Variants in DTNB observed in about 807,000 individuals in gnomAD.
The protein encoded by DTNB is DTN-B.
DTNB carries 63 observed loss-of-function variants against 90.7 expected under a neutral mutation model. The observed-to-expected ratio is 0.69, with a 90% CI of 0.57 to 0.86. The LOEUF (loss-of-function observed/expected upper bound fraction) is 0.86, where lower values mean the gene tolerates loss of function less well. DTNB is among the 40% of genes least tolerant of loss of function. DTNB has a pLI of 0.00. For missense variants in DTNB, 744 were observed against 807.1 expected, an observed-to-expected ratio of 0.92 and a Z score of 0.95; for synonymous variants, 277 against 286.7, an observed-to-expected ratio of 0.97 and a Z score of 0.34.
At chr2:25,662,669 CACACACACACAA>C (rs1168349999) in intron 1 of DTNB, among the ~76,000 whole-genome samples, 5 of 81,094 alleles carry the variant, frequency 6.2e-5, no homozygotes, top group Admixed American at 1.6e-4. Flanking sequence ...CACACACACA[CACACACACACAA>C]ACACACACAC....
chr2:25,410,719 G>A (rs891181893), intron 16 of DTNB, among the ~76,000 whole-genome samples: 2 of 152,096 alleles, frequency 1.3e-5, no homozygotes, highest in African/African-American at 4.8e-5. Flanking sequence ...TGGTTTAAAG[G>A]CATTTTGTTA....
chr2:25,378,623 T>A (rs533785087), intron 20 of DTNB, among the ~76,000 whole-genome samples: 8 of 151,974 alleles, frequency 5.3e-5, no homozygotes, highest in Non-Finnish European at 1.2e-4. Context: ...AATGGAGAAG[T>A]CTGATATCTT....
chr2:25,541,529 G>A (rs1184888530), intron 8 of DTNB, among the ~76,000 whole-genome samples: 1 of 151,986 alleles, frequency 6.6e-6, no homozygotes, highest in African/African-American at 2.4e-5. Flanking sequence ...AACAAGTACA[G>A]TTCAGTAGGG....
chr2:25,416,283 C>T (rs904585807), intron 16 of DTNB, among the ~76,000 whole-genome samples: 5 of 152,220 alleles, frequency 3.3e-5, no homozygotes, highest in Admixed American at 2.6e-4. Context: ...AAGGTGGACA[C>T]TATCAAAAGT....
chr2:25,526,395 A>ATTTTTTTTTTTTT (rs1245672956), intron 9 of DTNB, among the ~76,000 whole-genome samples: 4 of 49,858 alleles, frequency 8.0e-5, no homozygotes, highest in African/African-American at 3.9e-4. Context: ...ATATATATAT[A>ATTTTTTTTTTTTT]TTTTTTTTTT....
chr2:25,626,077 TAG>T (rs748095270), intron 4 of DTNB, among the ~76,000 whole-genome samples: 27 of 152,178 alleles, frequency 1.8e-4, no homozygotes, highest in Non-Finnish European at 2.6e-4. Context: ...GTGTTGTTTA[TAG>T]AGAGTCCAGT....
At chr2:25,553,643 G>A (rs1244636856) in intron 8 of DTNB, among the ~76,000 whole-genome samples, 3 of 151,492 alleles carry the variant, frequency 2.0e-5, no homozygotes, top group Non-Finnish European at 4.4e-5. Context: ...AGGAGGCTAA[G>A]GCAGGAGAAT....
chr2:25,634,113 G>A (rs903058574), intron 3 of DTNB, among the ~76,000 whole-genome samples: 1 of 150,542 alleles, frequency 6.6e-6, no homozygotes, highest in Non-Finnish European at 1.5e-5. Flanking sequence ...GGAGGTGGGC[G>A]AGTCAGCCCC....
rs914887997 is a variant in DTNB, at chr2:25,673,544, C to T, written c.-160G>A. ...GCGAACGTTCGCAGCGCCCGGCTCG[C>T]GCCGCTTCTCCGCCCGGCACGCGCA... On this transcript the variant is annotated 5_prime_UTR_variant, in exon 1 of 21. Transcript: ENST00000406818. 2.0e-5 allele frequency: 3 copies of T among 148,644 alleles called. No individual in the cohort carries two copies. The highest frequency in any genetic ancestry group is 7.3e-5 in the African/African-American group (3 of 41,188). 9.2% of individuals were successfully genotyped at this position (148,644 alleles called of 1,614,324 possible).
chr2:25,536,811 C>T (rs1241177333), intron 8 of DTNB, among the ~76,000 whole-genome samples: 2 of 152,086 alleles, frequency 1.3e-5, no homozygotes, highest in Non-Finnish European at 2.9e-5. Flanking sequence ...GGGGTGATCT[C>T]GGCTCACTGC....
chr2:25,385,250 G>A (rs1180490633), intron 18 of DTNB, among the ~76,000 whole-genome samples: 1 of 152,130 alleles, frequency 6.6e-6, no homozygotes, highest in African/African-American at 2.4e-5. Flanking sequence ...TACAAGCTAT[G>A]TATATACAGT....
intron 10 of DTNB, among the ~76,000 whole-genome samples, chr2:25,465,718 T>C (rs2061664051): frequency 1.3e-5 from 2 of 152,080 alleles, no homozygotes; most frequent in South Asian, 4.2e-4. Context: ...CCCTCTTTCC[T>C]CCTCACATCA....
At chr2:25,577,324 T>A (rs2060841721) in intron 7 of DTNB, among the ~76,000 whole-genome samples, 1 of 151,952 alleles carries the variant, frequency 6.6e-6, no homozygotes, top group Non-Finnish European at 1.5e-5. Context: ...GTAATCTCAG[T>A]TACTCAGGAG....
At chr2:25,667,385 A>G (rs1574262480) in intron 1 of DTNB, among the ~76,000 whole-genome samples, 1 of 152,172 alleles carries the variant, frequency 6.6e-6, no homozygotes, top group African/African-American at 2.4e-5. Flanking sequence ...GCTACTCGGG[A>G]GGCTGAGGCA....
chr2:25,515,901 C>CAT (rs2075020784), intron 9 of DTNB, among the ~76,000 whole-genome samples: 1 of 152,100 alleles, frequency 6.6e-6, no homozygotes, highest in African/African-American at 2.4e-5. Flanking sequence ...ATGTTAACAA[C>CAT]AGGGGAAACT....
At chr2:25,609,687 C>T (rs965676628) in intron 4 of DTNB, among the ~76,000 whole-genome samples, 12 of 149,664 alleles carry the variant, frequency 8.0e-5, no homozygotes, top group Non-Finnish European at 1.5e-4. Context: ...CACACACACA[C>T]ACACACACAC....
intron 14 of DTNB, among the ~76,000 whole-genome samples, chr2:25,431,832 A>T (rs1385971842): frequency 1.3e-5 from 2 of 152,216 alleles, no homozygotes; most frequent in Non-Finnish European, 2.9e-5. Flanking sequence ...CTGTACTAAC[A>T]CCACAGACTT....
chr2:25,425,314 C>A (rs958602160), intron 15 of DTNB, among the ~76,000 whole-genome samples: 3 of 152,170 alleles, frequency 2.0e-5, no homozygotes, highest in African/African-American at 7.2e-5. Context: ...CCAACACCAC[C>A]AACAACTCAG....
At chr2:25,534,971 A>T (rs1214323688) in intron 8 of DTNB, among the ~76,000 whole-genome samples, 1 of 137,288 alleles carries the variant, frequency 7.3e-6, no homozygotes, top group Non-Finnish European at 1.5e-5. Flanking sequence ...CCAGACAATG[A>T]GGTGCTCCTC....
Sources: gnomAD v4.1 joint callset for allele counts (sites outside exome capture counted in the v4.1 genomes callset) on GRCh38, gnomAD v4.1.1 for gene constraint, MANE v1.5 for transcripts, NCBI Gene and HGNC (gene_info 2026-07-23, HGNC 2026-07-21) for gene names.